The following RBFOX1 variants were observed in gnomAD, a reference collection of about 807,000 sequenced individuals.
RBFOX1 encodes the protein RNA binding protein fox-1 homolog 1.
Under a neutral mutation model 57.7 loss-of-function variants are expected in RBFOX1, and 8 were observed. That is an observed-to-expected ratio of 0.14 (90% CI 0.08 to 0.25). The LOEUF (loss-of-function observed/expected upper bound fraction) is 0.25, where lower values mean the gene tolerates loss of function less well. Among genes scored for constraint, RBFOX1 ranks in the 10% least tolerant of loss-of-function variants. The pLI is 1.00. For synonymous variants in RBFOX1, 326 were observed against 222.4 expected (o/e 1.47, Z -4.15); for missense variants, 611 against 548.5 (o/e 1.11, Z -1.14).
intron 3 of RBFOX1, among the ~76,000 whole-genome samples, chr16:5,827,688 C>A (rs1352148615): frequency 1.3e-5 from 2 of 152,150 alleles, no homozygotes; most frequent in African/African-American, 2.4e-5. Context: ...AGATGGCAAC[C>A]CCTGCTTTGA....
intron 3 of RBFOX1, among the ~76,000 whole-genome samples, chr16:6,665,986 C>T (rs139991673): frequency 6.6e-6 from 1 of 152,122 alleles, no homozygotes; most frequent in East Asian, 1.9e-4. Flanking sequence ...TATGGTTTCC[C>T]CCACCCTGTT....
intron 2 of RBFOX1, among the ~76,000 whole-genome samples, chr16:5,566,923 C>G (rs2151120923): frequency 6.6e-6 from 1 of 152,230 alleles, no homozygotes; most frequent in Non-Finnish European, 1.5e-5. Flanking sequence ...TTTAGGTGAC[C>G]TGGATTGATT....
chr16:6,564,069 C>A (rs922081435), intron 2 of RBFOX1, among the ~76,000 whole-genome samples: 1 of 152,070 alleles, frequency 6.6e-6, no homozygotes, highest in Admixed American at 6.6e-5. Context: ...CTCCACCAAC[C>A]TTAACCTCAC....
chr16:5,646,913 G>A (rs190899332), intron 3 of RBFOX1, among the ~76,000 whole-genome samples: 297 of 152,286 alleles, frequency 2.0e-3, no homozygotes, highest in Non-Finnish European at 3.4e-3. Context: ...TATTACAGGC[G>A]TGAGCCACCA....
At chr16:5,819,462 T>A (rs1294661476) in intron 3 of RBFOX1, among the ~76,000 whole-genome samples, 1 of 152,216 alleles carries the variant, frequency 6.6e-6, no homozygotes, top group Non-Finnish European at 1.5e-5. Flanking sequence ...TAGAGTGGTC[T>A]TTCAAAAGCA....
intron 5 of RBFOX1, among the ~76,000 whole-genome samples, chr16:7,557,745 A>G (rs1380160675): frequency 6.6e-6 from 1 of 151,912 alleles, no homozygotes; most frequent in Non-Finnish European, 1.5e-5. Flanking sequence ...TGCTGGCTGT[A>G]ATCAGTGAAG....
chr16:5,708,175 C>T (rs924930572), intron 3 of RBFOX1, among the ~76,000 whole-genome samples: 8 of 152,252 alleles, frequency 5.3e-5, no homozygotes, highest in South Asian at 2.1e-4. Flanking sequence ...GAGAGAAACA[C>T]GTTATCTCAT....
At chr16:6,799,817 T>G (rs2084944602) in intron 3 of RBFOX1, among the ~76,000 whole-genome samples, 1 of 152,130 alleles carries the variant, frequency 6.6e-6, no homozygotes, top group African/African-American at 2.4e-5. Flanking sequence ...CTCTTGGGAC[T>G]TTAGCCACAG....
At chr16:6,153,549 C>T (rs1012334905) in intron 1 of RBFOX1, among the ~76,000 whole-genome samples, 3 of 151,528 alleles carry the variant, frequency 2.0e-5, no homozygotes, top group Non-Finnish European at 4.4e-5. Context: ...TTTTTTTTCC[C>T]CCTTGGGATG....
At chr16:6,068,320 G>A (rs1363004192) in intron 1 of RBFOX1, among the ~76,000 whole-genome samples, 1 of 152,174 alleles carries the variant, frequency 6.6e-6, no homozygotes, top group Non-Finnish European at 1.5e-5. Flanking sequence ...ACAGCCTTCT[G>A]TAACAACTGT....
At chr16:5,928,498 ATGT>A (rs2152242269) in intron 4 of RBFOX1, among the ~76,000 whole-genome samples, 1 of 152,268 alleles carries the variant, frequency 6.6e-6, no homozygotes, top group East Asian at 1.9e-4. Flanking sequence ...TCAAAACATC[ATGT>A]TGTACCCCAT....
intron 3 of RBFOX1, among the ~76,000 whole-genome samples, chr16:6,926,110 A>G (rs2075537273): frequency 6.6e-6 from 1 of 152,000 alleles, no homozygotes; most frequent in Non-Finnish European, 1.5e-5. Context: ...GTTCAAGACC[A>G]GCCTGGCCAA....
At chr16:6,612,863 A>AAAAAATAATAAT (rs59339311) in intron 2 of RBFOX1, among the ~76,000 whole-genome samples, 3 of 132,242 alleles carry the variant, frequency 2.3e-5, no homozygotes, top group African/African-American at 8.7e-5. Context: ...AAAAAAAAAA[A>AAAAAATAATAAT]AATAATAATA....
At chr16:6,490,835 G>A (rs763625132) in intron 2 of RBFOX1, among the ~76,000 whole-genome samples, 1 of 152,202 alleles carries the variant, frequency 6.6e-6, no homozygotes. Context: ...CAAAGAGAGC[G>A]AAGAGTGAAT....
At chr16:6,767,952 A>ATAATAATAATAATAATAAT (rs1567165850) in intron 3 of RBFOX1, among the ~76,000 whole-genome samples, 2 of 97,810 alleles carry the variant, frequency 2.0e-5, no homozygotes, top group African/African-American at 9.0e-5. Flanking sequence ...AATAATAAGA[A>ATAATAATAATAATAATAAT]GAAGAAGAAG....
intron 3 of RBFOX1, among the ~76,000 whole-genome samples, chr16:6,866,539 C>CTTTTTTTTTTTTTT (rs1161474639): frequency 1.2e-4 from 6 of 49,068 alleles, no homozygotes; most frequent in Non-Finnish European, 1.8e-4. Context: ...TTCTTTCCTT[C>CTTTTTTTTTTTTTT]TATTTTTTTT....
At chr16:7,550,884 A>C (rs1378767386) in intron 5 of RBFOX1, among the ~76,000 whole-genome samples, 2 of 152,102 alleles carry the variant, frequency 1.3e-5, no homozygotes, top group African/African-American at 4.8e-5. Context: ...ACTTGAGGTC[A>C]GGAGTTTCAG....
chr16:7,094,230 C>G (rs1038817610), intron 4 of RBFOX1, among the ~76,000 whole-genome samples: 3 of 151,922 alleles, frequency 2.0e-5, no homozygotes, highest in African/African-American at 7.3e-5. Context: ...AAACTTGTGT[C>G]CCCATTCAGA....
chr16:7,028,878 C>T (rs1204439260), intron 3 of RBFOX1, among the ~76,000 whole-genome samples: 1 of 150,734 alleles, frequency 6.6e-6, no homozygotes, highest in Non-Finnish European at 1.5e-5. Flanking sequence ...AGTGGGAATC[C>T]AAGCTCTGCC....
Sources: allele counts gnomAD v4.1 joint callset (sites outside exome capture counted in the v4.1 genomes callset), GRCh38; gene constraint gnomAD v4.1.1; transcripts MANE v1.5; gene names NCBI Gene and HGNC (gene_info 2026-07-23, HGNC 2026-07-21).